The following SUGP1 variants were observed in gnomAD, a reference collection of about 807,000 sequenced individuals.
SUGP1 encodes the protein SURP and G-patch domain containing 1, also known as SURP and G-patch domain-containing protein 1.
Under a neutral mutation model 76.5 loss-of-function variants are expected in SUGP1, and 34 were observed. That is an observed-to-expected ratio of 0.44 (90% CI 0.34 to 0.59). SUGP1 has a LOEUF of 0.59. SUGP1 is among the 20% of genes least tolerant of loss of function. SUGP1 has a pLI of 0.01. For synonymous variants in SUGP1, 326 were observed against 326.2 expected, an observed-to-expected ratio of 1.00 and a Z score of 0.01; for missense variants, 752 against 851.7, an observed-to-expected ratio of 0.88 and a Z score of 1.46.
chr19:19,297,913 C>G (rs1198707335), intron 7 of SUGP1, among the ~76,000 whole-genome samples: 1 of 152,206 alleles, frequency 6.6e-6, no homozygotes. Flanking sequence ...AGGAGCACAG[C>G]AGGTGGCGCT....
At chr19:19,302,485 G>C in intron 6 of SUGP1, 97 bp from the exon 7 acceptor site, 1 of 1,514,942 alleles carries the variant, frequency 6.6e-7, no homozygotes, top group South Asian at 1.3e-5. Context: ...TTTGTTTTAG[G>C]AATGATGCAA....
chr19:19,280,385 G>T lies in SUGP1; in HGVS notation c.1244-94C>A. The T allele has an allele frequency of 5.5e-6, 6 of 1,095,284 alleles. No homozygotes were observed. In the South Asian group the frequency reaches 7.6e-5, roughly 14 times the overall value. The allele number at this position is 1,095,284 out of a possible 1,614,324, so 67.8% of individuals were successfully genotyped here. On this transcript the variant is annotated intron_variant, in intron 8 of 13. Coordinates refer to ENST00000247001, the MANE Select transcript of SUGP1 (RefSeq NM_172231.4). ...TGTGCTGTGAGTCTCACACCTTCAT[G>T]ACACTCCAGGCACACGGGGACCTCA... is the stretch of plus-strand genomic sequence containing the variant.
chr19:19,276,305 C>T lies in SUGP1; in HGVS notation c.*343G>A, dbSNP rs939400025. 12 of 250,608 alleles carry T rather than the reference C, an allele frequency of 4.8e-5. No individual in the cohort carries two copies. In the East Asian group the frequency reaches 1.1e-3, roughly 24 times the overall value. 15.5% of individuals were successfully genotyped at this position (250,608 alleles called of 1,614,324 possible). A position where few individuals can be genotyped will look rare whatever the true frequency, so the allele number is the denominator to read the frequency against. The stretch of plus-strand genomic sequence containing the variant: ...ACCTCCAGTGATCCGCCCGCCTTGG[C>T]CTCTCAAAGTGCTGGGATGACAGGG... On this transcript the variant is annotated 3_prime_UTR_variant, in exon 14 of 14. Transcript: ENST00000247001.
chr19:19,305,133 G>A (rs922581510), intron 4 of SUGP1, among the ~76,000 whole-genome samples: 2 of 152,144 alleles, frequency 1.3e-5, no homozygotes, highest in African/African-American at 4.8e-5. Flanking sequence ...TGATCCGCTC[G>A]GACACACAGC....
At chr19:19,282,946 A>T (rs189371402) in intron 8 of SUGP1, among the ~76,000 whole-genome samples, 2 of 152,102 alleles carry the variant, frequency 1.3e-5, no homozygotes, top group African/African-American at 2.4e-5. Flanking sequence ...GCGTGGTGGC[A>T]GGCGCCTGTC....
chr19:19,276,956 G>T lies in SUGP1; in HGVS notation c.1902C>A (p.Pro634=), dbSNP rs748893059. Residue 634 remains proline (P), a synonymous_variant, in exon 13 of 14, where the codon CCC becomes CCA. Coordinates refer to ENST00000247001, the MANE Select transcript of SUGP1 (RefSeq NM_172231.4). The part of the protein sequence containing the change: ...KRMMLAYRFR[P]NPLNNPRRPY... ...AGGAGGACATGCGTACCAGGGGGTT[G>T]GGCCGGAAGCGGTAGGCCAGCATCA... 12 of 1,613,056 alleles carry T rather than the reference G, an allele frequency of 7.4e-6. No individual in the cohort carries two copies. In the South Asian group the frequency reaches 1.1e-4, roughly 15 times the overall value.
chr19:19,276,136 C>T lies in SUGP1; in HGVS notation c.*512G>A. On this transcript the variant is annotated 3_prime_UTR_variant, in exon 14 of 14. Coordinates refer to ENST00000247001, the MANE Select transcript of SUGP1 (RefSeq NM_172231.4). ...AAGGCGCAATCTTGGCTCACTGCAACCGCTTCCCAGGTTCAAGCCATTCTC... is the reference window on the plus strand; with the variant it reads ...AAGGCGCAATCTTGGCTCACTGCAATCGCTTCCCAGGTTCAAGCCATTCTC... 6.3e-6 allele frequency: 1 copy of T among 158,422 alleles called. No individual in the cohort carries two copies. The allele number at this position is 158,422 out of a possible 1,614,324, so 9.8% of individuals were successfully genotyped here.
rs369117743 is a variant in SUGP1, at chr19:19,316,388, T to C, written c.206+34A>G. The C allele has an allele frequency of 1.9e-5, 30 of 1,612,402 alleles. No individual in the cohort carries two copies. The African/African-American group carries it at 3.3e-4, about 18-fold the overall frequency. ...TGCTGGTGACCCTCAAAGACTCACATCCAGGCCCCATCCAGGCCCCAGCAG... is the reference window on the plus strand; with the variant it reads ...TGCTGGTGACCCTCAAAGACTCACACCCAGGCCCCATCCAGGCCCCAGCAG... On this transcript the variant is annotated intron_variant, in intron 2 of 13. Coordinates refer to ENST00000247001, the MANE Select transcript of SUGP1 (RefSeq NM_172231.4).
intron 7 of SUGP1, among the ~76,000 whole-genome samples, chr19:19,298,962 T>C (rs1026296975): frequency 1.3e-5 from 2 of 152,058 alleles, no homozygotes; most frequent in Non-Finnish European, 2.9e-5. Flanking sequence ...TGGCACTCAA[T>C]GGTAGACCCC....
In SUGP1 at chr19:19,316,468, CT is replaced by C; in HGVS notation, c.159del (p.Ala54ProfsTer41). On this transcript the variant is annotated frameshift_variant, in exon 2 of 14. Transcript: ENST00000247001. LOFTEE classifies it high-confidence loss of function. ...KREIEAKMEQ[K>X]AKQNQVASPQ... is the part of the protein sequence containing the mutation. ...GGGCTGGCCACCTGATTCTGCTTGG[CT>C]TTCTGTTCCATTTTGGCTTCAATTT... is the stretch of plus-strand genomic sequence containing the variant. 1 of 1,613,932 alleles carries C rather than the reference CT, an allele frequency of 6.2e-7. No homozygotes were observed. Among genetic ancestry groups the C allele is most frequent in the Non-Finnish European group, 8.5e-7 (1 of 1,180,006 alleles).
At chr19:19,276,807 G>C (rs895204080) in intron 13 of SUGP1, 133 bp from the exon 14 acceptor site, 120 of 1,540,862 alleles carry the variant, frequency 7.8e-5, no homozygotes, top group Non-Finnish European at 1.0e-4. Context: ...GGACGGGTGG[G>C]GGCTTGAATG....
At chr19:19,277,599 G>A (rs1368449117) in intron 12 of SUGP1, 135 bp downstream of exon 12, 1 of 1,188,518 alleles carries the variant, frequency 8.4e-7, no homozygotes, top group African/African-American at 1.5e-5. Flanking sequence ...GCCTGACAAG[G>A]GGTGTGCAGT....
intron 8 of SUGP1, among the ~76,000 whole-genome samples, chr19:19,290,228 G>A (rs1015829313): frequency 2.0e-5 from 3 of 152,186 alleles, no homozygotes; most frequent in African/African-American, 7.2e-5. Flanking sequence ...GAGGAAGGCT[G>A]AAAGTTCTTG....
At chr19:19,279,437 G>T in intron 9 of SUGP1, 47 bp from the exon 10 acceptor site, 1 of 1,524,856 alleles carries the variant, frequency 6.6e-7, no homozygotes, top group Non-Finnish European at 8.8e-7. Context: ...GCTGTGGCCT[G>T]CCGGAGCCCC....
chr19:19,286,801 C>T (rs1361927310), intron 8 of SUGP1, among the ~76,000 whole-genome samples: 1 of 152,172 alleles, frequency 6.6e-6, no homozygotes, highest in African/African-American at 2.4e-5. Context: ...CCCAGCACTT[C>T]GGAAGCCCGA....
intron 11 of SUGP1, 142 bp downstream of exon 11, chr19:19,278,548 A>C (rs968778902): frequency 1.5e-6 from 1 of 671,434 alleles, no homozygotes; most frequent in African/African-American, 1.8e-5. Flanking sequence ...TGTCATTAAC[A>C]GATGCCTCCT....
intron 12 of SUGP1, 79 bp from the exon 13 acceptor site, chr19:19,277,155 C>T (rs2061057155): frequency 6.6e-7 from 1 of 1,517,298 alleles, no homozygotes; most frequent in African/African-American, 1.4e-5. Context: ...GGGCTCTCAA[C>T]AGCACCTCCC....
In SUGP1 at chr19:19,280,086, C is replaced by T. The variant is rs1053816985; in HGVS notation, c.1350+99G>A. ...GTTCCACCTGAACACAGGAGCTTGG[C>T]GAAGCACATGAACCCCTGTGACCGC... On this transcript the variant is annotated intron_variant, in intron 9 of 13. Coordinates refer to ENST00000247001, the MANE Select transcript of SUGP1 (RefSeq NM_172231.4). The T allele has an allele frequency of 1.3e-4, 151 of 1,191,594 alleles. 1 individual carries two copies. In the South Asian group the frequency reaches 1.5e-3, roughly 12 times the overall value. The allele number at this position is 1,191,594 out of a possible 1,614,324, so 73.8% of individuals were successfully genotyped here.
intron 1 of SUGP1, among the ~76,000 whole-genome samples, chr19:19,317,880 G>A (rs908105481): frequency 4.3e-5 from 6 of 139,562 alleles, no homozygotes; most frequent in South Asian, 2.5e-4. Context: ...GCACCACCTC[G>A]GCTCATTGCA....
Sources: gnomAD v4.1 joint callset for allele counts (sites outside exome capture counted in the v4.1 genomes callset) on GRCh38, gnomAD v4.1.1 for gene constraint, MANE v1.5 for transcripts, NCBI Gene and HGNC (gene_info 2026-07-23, HGNC 2026-07-21) for gene names.